The following TGM3 variants were observed in gnomAD, a reference collection of about 807,000 sequenced individuals.
TGM3 encodes the protein protein-glutamine gamma-glutamyltransferase E.
A neutral mutation model predicts 73.8 loss-of-function variants in TGM3; 52 were observed. The ratio of observed to expected loss-of-function variants is 0.70; its 90% CI spans 0.56 to 0.89. TGM3 has a LOEUF of 0.89. TGM3 is among the 40% of genes least tolerant of loss of function. The pLI is 0.00. For missense variants in TGM3, 928 were observed against 909.9 expected, an observed-to-expected ratio of 1.02 and a Z score of -0.26; for synonymous variants, 372 against 354.9, an observed-to-expected ratio of 1.05 and a Z score of -0.54.
At chr20:2,311,273 G>T in intron 4 of TGM3, 144 bp downstream of exon 4, 1 of 682,418 alleles carries the variant, frequency 1.5e-6, no homozygotes, top group Non-Finnish European at 2.6e-6. Flanking sequence ...ACTTTCATTG[G>T]CCACCTATTA....
chr20:2,307,699 TC>T (rs1337243698), intron 1 of TGM3, among the ~76,000 whole-genome samples: 1 of 152,046 alleles, frequency 6.6e-6, no homozygotes, highest in African/African-American at 2.4e-5. Context: ...ACGTGTACAC[TC>T]CCAACATTGT....
At chr20:2,340,019 A>AGGGAGGGG in intron 12 of TGM3, 32 bp downstream of exon 12, 1 of 140,056 alleles carries the variant, frequency 7.1e-6, no homozygotes. Context: ...CCGGTGCAGG[A>AGGGAGGGG]GGGCGGGAGG....
At position 2,328,289 on chromosome 20, in the gene TGM3, T is replaced by C; in HGVS notation, c.1257T>C (p.Ile419=). The change falls in exon 9 of 13, where the codon ATT becomes ATC. Residue 419 remains isoleucine (I), a synonymous_variant. Coordinates refer to ENST00000381458, the MANE Select transcript of TGM3 (RefSeq NM_003245.4). This position sits in a 1 kb window ranked among gnomAD's most constrained non-coding sequence, Gnocchi z 5.2. ...AGAATTCCGTGAACAGTCACACCAT[T>C]GGCAGGTACATCAGCACCAAGGCGG... ...QWKNSVNSHT[I]GRYISTKAVG... is the part of the protein sequence containing the mutation. The C allele has an allele frequency of 6.2e-7, 1 of 1,614,146 alleles. No individual in the cohort carries two copies. The highest frequency in any genetic ancestry group is 8.5e-7 in the Non-Finnish European group (1 of 1,180,024).
Position 2,340,589 on chromosome 20 carries a change from T to C in TGM3, c.*8T>C. On this transcript the variant is annotated 3_prime_UTR_variant, in exon 13 of 13. Transcript: ENST00000381458. ...ATCGATGTAGCCGAATGAAGGGCGCTGGTGGCCTCCCGTACAAACTTGGAC... is the reference window on the plus strand; with the variant it reads ...ATCGATGTAGCCGAATGAAGGGCGCCGGTGGCCTCCCGTACAAACTTGGAC... 1 of 1,614,190 alleles carries C rather than the reference T, an allele frequency of 6.2e-7. No homozygotes were observed. The highest frequency in any genetic ancestry group is 8.5e-7 in the Non-Finnish European group (1 of 1,180,014).
chr20:2,308,324 C>T (rs1407470215), intron 1 of TGM3, among the ~76,000 whole-genome samples: 3 of 152,248 alleles, frequency 2.0e-5, no homozygotes, highest in Admixed American at 6.5e-5. Context: ...CACCTTCACA[C>T]TCTCATCAGA....
At position 2,328,794 on chromosome 20, in the gene TGM3, G is replaced by A. The variant is rs1275870667; in HGVS notation, c.1333+429G>A. ...GAGAAAACCATCTGAACGAAGAAAG[G>A]GACAAAGAAACCCAGAGACCTGAGC... is the stretch of plus-strand genomic sequence containing the variant. On this transcript the variant is annotated intron_variant, in intron 9 of 12. Coordinates refer to ENST00000381458, the MANE Select transcript of TGM3 (RefSeq NM_003245.4). This position sits in a 1 kb window ranked among gnomAD's most constrained non-coding sequence, Gnocchi z 5.2. Among the ~76,000 whole-genome samples the A allele has an allele frequency of 2.0e-5, 3 of 152,190 alleles. No individual in the cohort carries two copies. The highest frequency in any genetic ancestry group is 2.9e-5 in the Non-Finnish European group (2 of 68,032).
At chr20:2,314,020 A>T (rs1005292503) in intron 5 of TGM3, among the ~76,000 whole-genome samples, 2 of 146,660 alleles carry the variant, frequency 1.4e-5, no homozygotes, top group African/African-American at 4.9e-5. Context: ...ACAAAAAAAA[A>T]TTAGCAGGGC....
At position 2,328,147 on chromosome 20, in the gene TGM3, T is replaced by C; in HGVS notation, c.1115T>C (p.Val372Ala). 4 of 1,614,132 alleles carry C rather than the reference T, an allele frequency of 2.5e-6. No individual in the cohort carries two copies. The highest frequency in any genetic ancestry group is 2.5e-6 in the Non-Finnish European group (3 of 1,180,026). ...QGVFQCGPAS[V>A]IGVREGDVQL... ...GTGTTCCAGTGCGGCCCCGCTTCGGTCATTGGTGTTCGAGAGGGTGATGTG... is the reference window on the plus strand; with the variant it reads ...GTGTTCCAGTGCGGCCCCGCTTCGGCCATTGGTGTTCGAGAGGGTGATGTG... The change falls in exon 9 of 13, where the codon GTC (valine) becomes GCC (alanine). Residue 372 changes from valine to alanine, a missense_variant. Coordinates refer to ENST00000381458, the MANE Select transcript of TGM3 (RefSeq NM_003245.4). The surrounding 1 kb of genome is among the most constrained non-coding windows in gnomAD (Gnocchi z 5.2).
rs536322906 is a variant in TGM3 at position 2,301,078 on chromosome 20, C to T, written c.7+5008C>T. On this transcript the variant is annotated intron_variant, in intron 1 of 12. Coordinates refer to ENST00000381458, the MANE Select transcript of TGM3 (RefSeq NM_003245.4). Reference sequence around the variant, plus strand: ...TCATTTCTCTTCATCCTCACCAGCCCCTTACTCTCCCTGAATGCCAAGAAA... The same window carrying T: ...TCATTTCTCTTCATCCTCACCAGCCTCTTACTCTCCCTGAATGCCAAGAAA... Among the ~76,000 whole-genome samples, 3 of 152,154 alleles carry T rather than the reference C, an allele frequency of 2.0e-5. No individual in the cohort carries two copies. In the South Asian group the frequency reaches 6.2e-4, roughly 32 times the overall value.
intron 5 of TGM3, among the ~76,000 whole-genome samples, chr20:2,316,241 C>T (rs1469668400): frequency 2.0e-5 from 3 of 152,182 alleles, no homozygotes; most frequent in African/African-American, 4.8e-5. Context: ...AAGAAATACT[C>T]TATCTTTATT....
chr20:2,317,511 C>T (rs753583774), intron 7 of TGM3, 26 bp downstream of exon 7: 2 of 1,612,718 alleles, frequency 1.2e-6, no homozygotes, highest in East Asian at 2.2e-5. Context: ...TTTCCCTGAA[C>T]TTCGAGCACC....
intron 5 of TGM3, 118 bp from the exon 6 acceptor site, chr20:2,316,950 A>G: frequency 8.3e-7 from 1 of 1,202,634 alleles, no homozygotes; most frequent in Non-Finnish European, 1.2e-6. Flanking sequence ...AGAAAAGTTC[A>G]ATCATGGCCT....
Position 2,340,817 on chromosome 20 carries a change from C to A in TGM3, c.*236C>A. The A allele has an allele frequency of 1.5e-6, 1 of 649,386 alleles. No individual in the cohort carries two copies. The highest frequency in any genetic ancestry group is 2.8e-6 in the Non-Finnish European group (1 of 352,690). The allele number at this position is 649,386 out of a possible 1,614,324, so 40.2% of individuals were successfully genotyped here. On this transcript the variant is annotated 3_prime_UTR_variant, in exon 13 of 13. Coordinates refer to ENST00000381458, the MANE Select transcript of TGM3 (RefSeq NM_003245.4). Reference sequence around the variant, plus strand: ...TGCACATTCCCTGGCCGCTTCTCCCCAGAGCTGCCTGCTCTGTGAGCCCCA... The same window carrying A: ...TGCACATTCCCTGGCCGCTTCTCCCAAGAGCTGCCTGCTCTGTGAGCCCCA...
chr20:2,305,047 C>T (rs1472764284), intron 1 of TGM3, among the ~76,000 whole-genome samples: 4 of 152,200 alleles, frequency 2.6e-5, no homozygotes, highest in Non-Finnish European at 5.9e-5. Context: ...GGGCACAGAG[C>T]CCCCATGCCC....
chr20:2,312,798 G>A, intron 4 of TGM3, 100 bp from the exon 5 acceptor site: 1 of 1,521,162 alleles, frequency 6.6e-7, no homozygotes, highest in Non-Finnish European at 9.0e-7. Context: ...AGAGTCAAAG[G>A]ATCTGATAGT....
intron 11 of TGM3, 21 bp downstream of exon 11, chr20:2,335,294 G>A: frequency 6.2e-7 from 1 of 1,613,060 alleles, no homozygotes; most frequent in Non-Finnish European, 8.5e-7. Flanking sequence ...TCCCCATCCT[G>A]TGGGAAGGGG....
intron 10 of TGM3, among the ~76,000 whole-genome samples, chr20:2,333,685 C>T (rs1271221595): frequency 6.6e-6 from 1 of 152,106 alleles, no homozygotes; most frequent in African/African-American, 2.4e-5. Flanking sequence ...CATAAGCCAC[C>T]ATGCCTGGCC....
chr20:2,320,606 G>A (rs2084257269), intron 7 of TGM3, among the ~76,000 whole-genome samples: 1 of 152,168 alleles, frequency 6.6e-6, no homozygotes. Flanking sequence ...ACAGCAGCCA[G>A]TGGGGTAAAT....
chr20:2,325,009 A>C (rs911225257), intron 7 of TGM3, among the ~76,000 whole-genome samples: 1 of 152,198 alleles, frequency 6.6e-6, no homozygotes, highest in Non-Finnish European at 1.5e-5. Context: ...ACATACTCAA[A>C]TATATGAGTC....
Sources: gnomAD v4.1 joint callset for allele counts (sites outside exome capture counted in the v4.1 genomes callset) on GRCh38, gnomAD v4.1.1 for gene constraint, Gnocchi (gnomAD v3.1) non-coding constraint, MANE v1.5 for transcripts, NCBI Gene and HGNC (gene_info 2026-07-23, HGNC 2026-07-21) for gene names.